The following BUB1 variants were observed in gnomAD, a reference collection of about 807,000 sequenced individuals.
The protein encoded by BUB1 is mitotic checkpoint serine/threonine-protein kinase BUB1.
BUB1 carries 84 observed loss-of-function variants against 135.2 expected under a neutral mutation model. That is an observed-to-expected ratio of 0.62 (90% CI 0.52 to 0.74). BUB1 has a LOEUF of 0.74. Ranked by LOEUF, BUB1 falls within the 30% of genes least tolerant of loss-of-function variation. The pLI is 0.00. For missense variants in BUB1, 1,162 were observed against 1,288.3 expected (o/e 0.90, Z 1.50); for synonymous variants, 403 against 434.4 (o/e 0.93, Z 0.90).
chr2:110,666,321 A>G lies in BUB1; in HGVS notation c.899T>C (p.Leu300Ser). ...ATGGGATGTCTCCACCACCTGATGC[A>G]ACTTCTTATGAAGTTCATCCATTTT... ...KQKMDELHKK[L>S]HQVVETSHED... is the part of the protein sequence containing the mutation. The change falls in exon 9 of 25, where the codon TTG (leucine) becomes TCG (serine). Residue 300 changes from leucine (L) to serine (S), a missense_variant. By Grantham distance (145) the Leu-to-Ser change is moderately radical (BLOSUM62 -2). Transcript: ENST00000302759. The G allele has an allele frequency of 6.5e-7, 1 of 1,529,500 alleles. No individual in the cohort carries two copies. Among genetic ancestry groups the G allele is most frequent in the Non-Finnish European group, 8.8e-7 (1 of 1,136,256 alleles). 94.7% of individuals were successfully genotyped at this position (1,529,500 alleles called of 1,614,324 possible).
chr2:110,671,203 G>A (rs115226934), intron 4 of BUB1, among the ~76,000 whole-genome samples: 1,548 of 152,262 alleles, frequency 0.01, 38 homozygotes, highest in African/African-American at 0.035. Context: ...ACGTGATGAG[G>A]AAAGACTGAA....
chr2:110,667,390 T>C, intron 8 of BUB1, 131 bp downstream of exon 8: 1 of 1,001,172 alleles, frequency 1.0e-6, no homozygotes, highest in Non-Finnish European at 1.4e-6. Context: ...TCTGGGCTTC[T>C]GATAGGATGA....
At chr2:110,650,077 G>C (rs1366805173) in intron 18 of BUB1, among the ~76,000 whole-genome samples, 1 of 151,944 alleles carries the variant, frequency 6.6e-6, no homozygotes, top group Non-Finnish European at 1.5e-5. Flanking sequence ...ATGGAAAATT[G>C]AAATGATCTT....
intron 1 of BUB1, among the ~76,000 whole-genome samples, chr2:110,675,633 G>T (rs1443006453): frequency 6.6e-6 from 1 of 151,164 alleles, no homozygotes. Flanking sequence ...AAAAAACGAT[G>T]TAAAAAGCAA....
intron 1 of BUB1, among the ~76,000 whole-genome samples, chr2:110,677,437 G>A (rs1465200238): frequency 6.6e-6 from 1 of 152,150 alleles, no homozygotes; most frequent in Non-Finnish European, 1.5e-5. Context: ...AAAAGTGAGT[G>A]ATGTTAGCAG....
chr2:110,652,044 A>G (rs749879890), intron 17 of BUB1, among the ~76,000 whole-genome samples: 1 of 151,694 alleles, frequency 6.6e-6, no homozygotes. Context: ...AAGTATATGT[A>G]TACATATACA....
Position 110,670,588 on chromosome 2 carries a change from G to A in BUB1, c.423-20C>T, listed in dbSNP as rs1367669388. On this transcript the variant is annotated intron_variant, in intron 4 of 24. Transcript: ENST00000302759. ...AATAACCTAAATGACAGCAGAAAAG[G>A]CATCAATGTAGATTATAAACTTACA... 2 of 1,612,728 alleles carry A rather than the reference G, an allele frequency of 1.2e-6. No individual in the cohort carries two copies. Among genetic ancestry groups the A allele is most frequent in the Non-Finnish European group, 1.7e-6 (2 of 1,178,854 alleles).
chr2:110,645,901 G>C (rs1225174263), intron 19 of BUB1, among the ~76,000 whole-genome samples: 2 of 152,022 alleles, frequency 1.3e-5, no homozygotes, highest in Admixed American at 6.6e-5. Flanking sequence ...AATTCTCCAA[G>C]AAGACATAAT....
intron 16 of BUB1, 107 bp downstream of exon 16, chr2:110,655,631 TC>T (rs1194199951): frequency 2.8e-6 from 3 of 1,074,756 alleles, no homozygotes; most frequent in Non-Finnish European, 3.9e-6. Context: ...TTTTCAAAGT[TC>T]CCATGTGGAA....
intron 9 of BUB1, among the ~76,000 whole-genome samples, chr2:110,662,718 C>G (rs1381665708): frequency 6.6e-6 from 1 of 152,176 alleles, no homozygotes; most frequent in Non-Finnish European, 1.5e-5. Flanking sequence ...GGGAGGATCA[C>G]TTGAGCCTGG....
chr2:110,668,768 G>A (rs1402141929), intron 6 of BUB1, among the ~76,000 whole-genome samples: 1 of 152,232 alleles, frequency 6.6e-6, no homozygotes, highest in Non-Finnish European at 1.5e-5. Flanking sequence ...GAAGGATGCA[G>A]TTACATTTAT....
chr2:110,640,343 C>T (rs1217006002), intron 23 of BUB1, among the ~76,000 whole-genome samples: 1 of 151,918 alleles, frequency 6.6e-6, no homozygotes, highest in Admixed American at 6.6e-5. Context: ...CCCCTCCCCA[C>T]CCCCACCAAA....
chr2:110,674,401 G>C (rs1233008781), intron 1 of BUB1, 36 bp from the exon 2 acceptor site: 1 of 1,589,184 alleles, frequency 6.3e-7, no homozygotes, highest in Non-Finnish European at 8.6e-7. Flanking sequence ...GGGATATTAG[G>C]GATAATTTCT....
Position 110,669,551 on chromosome 2 carries a change from T to C in BUB1, c.469A>G (p.Arg157Gly). ...ACATTATGCAGAGGTTCTGAGGTTC[T>C]AGCTATGAGGGAAAAGAGGATAAAA... ...LTETHLPAQA[R>G]TSEPLHNVQV... The change falls in exon 6 of 25, where the codon AGA (arginine) becomes GGA (glycine). Residue 157 changes from arginine to glycine, a missense_variant and splice_region_variant. Arg to Gly is a moderately radical substitution (Grantham distance 125). Coordinates refer to ENST00000302759, the MANE Select transcript of BUB1 (RefSeq NM_004336.5). 1.3e-6 allele frequency: 2 copies of C among 1,590,890 alleles called. No individual in the cohort carries two copies. Among genetic ancestry groups the C allele is most frequent in the Non-Finnish European group, 1.7e-6 (2 of 1,159,682 alleles).
At chr2:110,645,631 G>C (rs935518086) in intron 19 of BUB1, among the ~76,000 whole-genome samples, 1 of 151,812 alleles carries the variant, frequency 6.6e-6, no homozygotes, top group African/African-American at 2.4e-5. Context: ...GTCTTGCTAT[G>C]TTCCCTGGCT....
At chr2:110,670,432 C>T in intron 5 of BUB1, 93 bp downstream of exon 5, 2 of 1,450,190 alleles carry the variant, frequency 1.4e-6, no homozygotes, top group Non-Finnish European at 1.9e-6. Flanking sequence ...GCCACCATGC[C>T]CAGCCGGGTT....
Position 110,661,638 on chromosome 2 carries a change from AG to A in BUB1, c.1160del (p.Pro387LeufsTer2). ...AGTCTGTTACTGTCTGGGCTTTCAAAGGAACAGGAGGAGCAATGCTCTGGCT... is the reference window on the plus strand; with the variant it reads ...AGTCTGTTACTGTCTGGGCTTTCAAAGAACAGGAGGAGCAATGCTCTGGCT... ...ATSQSIAPPVPLKAQTVTDSM... is the reference protein window; with the variant it reads ...ATSQSIAPPVXLKAQTVTDSM... On this transcript the variant is annotated frameshift_variant, in exon 10 of 25. Transcript: ENST00000302759. LOFTEE classifies it high-confidence loss of function. 6.2e-7 allele frequency: 1 copy of A among 1,614,190 alleles called. No individual in the cohort carries two copies. Among genetic ancestry groups the A allele is most frequent in the Non-Finnish European group, 8.5e-7 (1 of 1,180,028 alleles).
intron 9 of BUB1, chr2:110,662,068 G>A (rs1690115677): frequency 2.0e-6 from 1 of 499,800 alleles, no homozygotes; most frequent in Admixed American, 3.7e-5. Context: ...GACACCATCA[G>A]CAGCTTATAA....
Position 110,664,026 on chromosome 2 carries a change from CA to C in BUB1, c.958-2186del, listed in dbSNP as rs77906765. ...CCTGGGAGACAGTGAGACTCCATCTCAAAAAAAAAAAAAAAAAAAGAATTTA... is the reference window on the plus strand; with the variant it reads ...CCTGGGAGACAGTGAGACTCCATCTCAAAAAAAAAAAAAAAAAAGAATTTA... On this transcript the variant is annotated intron_variant, in intron 9 of 24. Transcript: ENST00000302759. Among the ~76,000 whole-genome samples the C allele has an allele frequency of 7.7e-3, 328 of 42,824 alleles. 1 individual carries two copies. Among genetic ancestry groups the C allele is most frequent in the East Asian group, 0.072 (116 of 1,606 alleles). 28.1% of individuals were successfully genotyped at this position (42,824 alleles called of 152,430 possible). A position where few individuals can be genotyped will look rare whatever the true frequency, so the allele number is the denominator to read the frequency against.
Sources: gnomAD v4.1 joint callset for allele counts (sites outside exome capture counted in the v4.1 genomes callset) on GRCh38, gnomAD v4.1.1 for gene constraint, MANE v1.5 for transcripts, NCBI Gene and HGNC (gene_info 2026-07-23, HGNC 2026-07-21) for gene names.